KLC4: variants seen among roughly 807,000 people sequenced by gnomAD.
The protein encoded by KLC4 is kinesin light chain 4.
KLC4 carries 49 observed loss-of-function variants against 77.2 expected under a neutral mutation model. That is an observed-to-expected ratio of 0.63 (90% CI 0.50 to 0.80). The LOEUF is 0.80. KLC4 is among the 30% of genes least tolerant of loss of function. The pLI is 0.00. For missense variants in KLC4, 669 were observed against 793.5 expected (o/e 0.84, Z 1.89); for synonymous variants, 274 against 314.5 (o/e 0.87, Z 1.36).
At chr6:43,069,647 T>C (rs1210655943) in intron 6 of KLC4, among the ~76,000 whole-genome samples, 1 of 150,280 alleles carries the variant, frequency 6.7e-6, no homozygotes, top group African/African-American at 2.5e-5. Flanking sequence ...ACCTCCCGGG[T>C]TCAAGCAATT....
intron 6 of KLC4, among the ~76,000 whole-genome samples, chr6:43,069,685 G>T (rs574476064): frequency 1.0e-3 from 159 of 151,898 alleles, no homozygotes; most frequent in African/African-American, 3.7e-3. Flanking sequence ...CGAGTAGCTG[G>T]GATTACAGAC....
chr6:43,066,939 G>A, intron 5 of KLC4, 57 bp from the exon 6 acceptor site: 1 of 1,577,108 alleles, frequency 6.3e-7, no homozygotes, highest in East Asian at 2.3e-5. Flanking sequence ...AAGGGAAGGA[G>A]GGAAGGAGAA....
intron 1 of KLC4, chr6:43,060,003 T>C: frequency 7.8e-7 from 1 of 1,284,800 alleles, no homozygotes; most frequent in South Asian, 1.5e-5. Context: ...CTCCCAACCC[T>C]GGGCACCAGG....
intron 14 of KLC4, chr6:43,073,657 A>G: frequency 4.7e-5 from 26 of 551,082 alleles, no homozygotes; most frequent in East Asian, 1.3e-4. Context: ...CAAAAAAAAA[A>G]AGAAAAAAAA....
chr6:43,060,827 C>A (rs754558103), intron 1 of KLC4, among the ~76,000 whole-genome samples: 12 of 152,156 alleles, frequency 7.9e-5, no homozygotes, highest in Non-Finnish European at 1.5e-4. Flanking sequence ...CTCTTGTTTT[C>A]TTCTTTTCCC....
chr6:43,060,558 C>T (rs958445613), intron 1 of KLC4: 11 of 1,241,108 alleles, frequency 8.9e-6, no homozygotes, highest in Non-Finnish European at 1.1e-5. Context: ...CAGTTTCTTC[C>T]GTGCTCTGGC....
intron 6 of KLC4, among the ~76,000 whole-genome samples, chr6:43,068,318 A>G (rs1038322573): frequency 2.0e-5 from 3 of 147,398 alleles, no homozygotes; most frequent in African/African-American, 7.5e-5. Context: ...CTAAAAATAC[A>G]AAAATTAGCC....
Position 43,066,446 on chromosome 6 carries a change from C to G in KLC4, c.712C>G (p.Leu238Val). 1 of 1,614,190 alleles carries G rather than the reference C, an allele frequency of 6.2e-7. No homozygotes were observed. Among genetic ancestry groups the G allele is most frequent in the Non-Finnish European group, 8.5e-7 (1 of 1,180,028 alleles). The change falls in exon 5 of 16, where the codon CTA (leucine) becomes GTA (valine). Residue 238 changes from leucine (L) to valine (V), a missense_variant. Leu to Val is a conservative substitution (Grantham distance 32). Transcript: ENST00000347162. ...GGCCGTGCCACTCTGTAAGCAGGCA[C>G]TAGAGGACCTGGAGCGCACATCAGG... The part of the protein sequence containing the change: ...EVAVPLCKQA[L>V]EDLERTSGRG...
chr6:43,064,090 G>A (rs1431421376), intron 3 of KLC4, among the ~76,000 whole-genome samples: 4 of 151,056 alleles, frequency 2.6e-5, no homozygotes, highest in Non-Finnish European at 5.9e-5. Context: ...GCCTGCCCTC[G>A]GCCTCCCAAA....
At position 43,070,705 on chromosome 6, in the gene KLC4, A is replaced by G; in HGVS notation, c.995A>G (p.Asn332Ser). The change falls in exon 8 of 16, where the codon AAT (asparagine) becomes AGT (serine). Residue 332 changes from asparagine (N) to serine (S), a missense_variant. By Grantham distance (46) the Asn-to-Ser change is conservative. Transcript: ENST00000347162. ...LEIREKVLGT[N>S]HPDVAKQLNN... is the part of the protein sequence containing the mutation. ...GTTCCCTTTCAGGTCCTGGGCACGA[A>G]TCATCCAGATGTGGCAAAACAGCTG... 1 of 1,612,594 alleles carries G rather than the reference A, an allele frequency of 6.2e-7. No homozygotes were observed. The highest frequency in any genetic ancestry group is 8.5e-7 in the Non-Finnish European group (1 of 1,178,762).
Position 43,059,642 on chromosome 6 carries a change from G to A in KLC4, c.-69G>A. The A allele has an allele frequency of 1.5e-6, 2 of 1,376,628 alleles. No homozygotes were observed. Among genetic ancestry groups the A allele is most frequent in the Middle Eastern group, 2.7e-4 (1 of 3,700 alleles). The allele number at this position is 1,376,628 out of a possible 1,614,324, so 85.3% of individuals were successfully genotyped here. A position where few individuals can be genotyped will look rare whatever the true frequency, so the allele number is the denominator to read the frequency against. ...GAGCGGCAGCCATCATGGATTTAAA[G>A]GGGCAGTACCGGCAAGAGCGGCAGC... On this transcript the variant is annotated 5_prime_UTR_variant, in exon 1 of 16. Transcript: ENST00000347162.
At chr6:43,062,565 T>C (rs912245363) in intron 2 of KLC4, 1 of 275,366 alleles carries the variant, frequency 3.6e-6, no homozygotes, top group African/African-American at 2.2e-5. Context: ...TTGAGCGAGA[T>C]GGAAACTATT....
chr6:43,060,486 G>A, intron 1 of KLC4: 1 of 1,358,878 alleles, frequency 7.4e-7, no homozygotes. Context: ...GAAAGAAGGG[G>A]TGGGAACGCT....
In KLC4 at chr6:43,066,356, C is replaced by T. The variant is rs1487290805; in HGVS notation, c.622C>T (p.Pro208Ser). The T allele has an allele frequency of 6.2e-7, 1 of 1,614,130 alleles. No individual in the cohort carries two copies. Among genetic ancestry groups the T allele is most frequent in the East Asian group, 2.2e-5 (1 of 44,880 alleles). ...AGCTCAGCAGGGTGGATATGAGATC[C>T]CAGCAAGGTTGCGGACGTTGCACAA... ...TAAQQGGYEI[P>S]ARLRTLHNLV... The change falls in exon 5 of 16, where the codon CCA (proline) becomes TCA (serine). Residue 208 changes from proline to serine, a missense_variant. Transcript: ENST00000347162.
At position 43,063,135 on chromosome 6, in the gene KLC4, T is replaced by C. The variant is rs771604425; in HGVS notation, c.477T>C (p.Asp159=). Residue 159 remains aspartate (D), a synonymous_variant, in exon 3 of 16, where the codon GAT becomes GAC. Coordinates refer to ENST00000347162, the MANE Select transcript of KLC4 (RefSeq NM_201521.3). ...GGCAGCTGCGGCAGTATGATGAGGA[T>C]GGACATACCTCGGTGAGTGTGCACA... ...FLGQLRQYDE[D]GHTSEEKEGD... is the part of the protein sequence containing the mutation. 1.9e-6 allele frequency: 3 copies of C among 1,612,720 alleles called. No homozygotes were observed. In the East Asian group the frequency reaches 6.7e-5, roughly 36 times the overall value.
At chr6:43,069,784 G>A (rs1280887854) in intron 6 of KLC4, among the ~76,000 whole-genome samples, 2 of 152,148 alleles carry the variant, frequency 1.3e-5, no homozygotes, top group Non-Finnish European at 2.9e-5. Flanking sequence ...CTGACCTCAG[G>A]TGATCCGCCC....
intron 1 of KLC4, chr6:43,059,894 C>T (rs1470710889): frequency 1.6e-6 from 2 of 1,231,206 alleles, no homozygotes; most frequent in Non-Finnish European, 2.0e-6. Flanking sequence ...CCGACTGACT[C>T]AGTGACCTCG....
chr6:43,061,346 T>C lies in KLC4; in HGVS notation c.11T>C (p.Leu4Pro), dbSNP rs762865049. The change falls in exon 2 of 16, where the codon CTG (leucine) becomes CCG (proline). Residue 4 changes from leucine (L) to proline (P), a missense_variant. Transcript: ENST00000347162. MSG[L>P]VLGQRDEPAG... Reference sequence around the variant, plus strand: ...GTCCCCCAGGCCAGGATGTCAGGCCTGGTGTTGGGGCAGCGGGATGAGCCT... The same window carrying C: ...GTCCCCCAGGCCAGGATGTCAGGCCCGGTGTTGGGGCAGCGGGATGAGCCT... 6.2e-7 allele frequency: 1 copy of C among 1,613,604 alleles called. No homozygotes were observed. The highest frequency in any genetic ancestry group is 8.5e-7 in the Non-Finnish European group (1 of 1,179,988).
chr6:43,067,284 A>C lies in KLC4; in HGVS notation c.879+201A>C, dbSNP rs994364640. 35 of 1,237,262 alleles carry C rather than the reference A, an allele frequency of 2.8e-5. 1 individual carries two copies. The highest frequency in any genetic ancestry group is 3.7e-5 in the Non-Finnish European group (35 of 958,540). 76.6% of individuals were successfully genotyped at this position (1,237,262 alleles called of 1,614,324 possible). A position where few individuals can be genotyped will look rare whatever the true frequency, so the allele number is the denominator to read the frequency against. On this transcript the variant is annotated intron_variant, in intron 6 of 15. Coordinates refer to ENST00000347162, the MANE Select transcript of KLC4 (RefSeq NM_201521.3). ...CTCTGAGACTCAGTGACTCCTTTTT[A>C]TAACAAATATTTTGCTTGAATTTAA...
Sources: allele counts gnomAD v4.1 joint callset (sites outside exome capture counted in the v4.1 genomes callset), GRCh38; gene constraint gnomAD v4.1.1; transcripts MANE v1.5; gene names NCBI Gene and HGNC (gene_info 2026-07-23, HGNC 2026-07-21).